Variants in ATP10B observed in about 807,000 individuals in gnomAD.
ATP10B encodes phospholipid-transporting ATPase VB.
In ATP10B, 122 loss-of-function variants were observed where a neutral mutation model predicts 141.2. The observed-to-expected ratio is 0.86, with a 90% confidence interval of 0.75 to 1.00. ATP10B has a LOEUF of 1.00. Ranked by LOEUF, ATP10B falls within the 50% of genes least tolerant of loss-of-function variation. The pLI, the probability that ATP10B is intolerant of heterozygous loss-of-function variation, is 0.00. For synonymous variants in ATP10B, 685 were observed against 692.0 expected, an observed-to-expected ratio of 0.99 and a Z score of 0.16; for missense variants, 1,876 against 1,825.3, an observed-to-expected ratio of 1.03 and a Z score of -0.51.
At chr5:160,784,620 G>A (rs1404472133) in intron 2 of ATP10B, among the ~76,000 whole-genome samples, 2 of 152,132 alleles carry the variant, frequency 1.3e-5, no homozygotes, top group African/African-American at 4.8e-5. Context: ...GAAACAGTCT[G>A]CATATGGTAT....
chr5:160,616,929 T>C (rs185355455), intron 16 of ATP10B, among the ~76,000 whole-genome samples: 1 of 152,332 alleles, frequency 6.6e-6, no homozygotes, highest in East Asian at 1.9e-4. Context: ...TTAATCTCCA[T>C]GACAACTGCA....
At chr5:160,892,293 C>T in the ATP10B span, among the ~76,000 whole-genome samples, 4 of 152,312 alleles carry the variant, frequency 2.6e-5, no homozygotes, top group South Asian at 8.3e-4. Flanking sequence ...CCTGCTCCAG[C>T]CATGCTGACT....
chr5:160,796,787 A>G lies in ATP10B; in HGVS notation c.-575-10984T>C, dbSNP rs200279240. 9.9e-5 allele frequency among the ~76,000 whole-genome samples: 15 copies of G among 152,062 alleles called. No homozygotes were observed. The East Asian group carries it at 2.5e-3, about 26-fold the overall frequency. ...TTGAGAGTGGACTCCTCACACAGGT[A>G]CCTCCCACCTGCACTTGGAGGACAA... On this transcript the variant is annotated intron_variant, in intron 1 of 25. Transcript: ENST00000327245.
At chr5:160,915,405 C>T in the ATP10B span, among the ~76,000 whole-genome samples, 1 of 150,060 alleles carries the variant, frequency 6.7e-6, no homozygotes, top group Non-Finnish European at 1.5e-5. Flanking sequence ...GATCTCGGCT[C>T]ACTGCAACCT....
chr5:160,896,987 C>T, the ATP10B span, among the ~76,000 whole-genome samples: 1 of 152,136 alleles, frequency 6.6e-6, no homozygotes, highest in Non-Finnish European at 1.5e-5. Flanking sequence ...TGATAAAATT[C>T]AATACCCTTT....
At chr5:160,732,673 C>T (rs1209105462) in intron 2 of ATP10B, among the ~76,000 whole-genome samples, 2 of 152,028 alleles carry the variant, frequency 1.3e-5, no homozygotes, top group Non-Finnish European at 2.9e-5. Flanking sequence ...GTTTTTATAC[C>T]AATACCTGCT....
chr5:160,755,827 AAAAAAAAAAAAAT>A (rs1768513254), intron 2 of ATP10B, among the ~76,000 whole-genome samples: 1 of 63,698 alleles, frequency 1.6e-5, no homozygotes, highest in African/African-American at 8.4e-5. Context: ...AAAAAAAAAA[AAAAAAAAAAAAAT>A]ATATATATAT....
rs74616815 is a variant in ATP10B, at chr5:160,664,537, G to A, written c.675+5926C>T. ...AACAGATACATATGATTATTACGTT[G>A]ATTATTGATGCTCTAGGCCAGTGTC... On this transcript the variant is annotated intron_variant, in intron 7 of 25. Coordinates refer to ENST00000327245, the MANE Select transcript of ATP10B (RefSeq NM_025153.3). Among the ~76,000 whole-genome samples the A allele has an allele frequency of 9.5e-3, 1,451 of 152,296 alleles. 22 individuals are homozygous for A. Among genetic ancestry groups the A allele is most frequent in the African/African-American group, 0.032 (1,330 of 41,560 alleles).
chr5:160,608,850 G>C (rs1757552435), intron 18 of ATP10B, among the ~76,000 whole-genome samples: 2 of 152,126 alleles, frequency 1.3e-5, no homozygotes, highest in Admixed American at 6.5e-5. Flanking sequence ...CAGATGGGTA[G>C]ATTGCAAAAA....
intron 11 of ATP10B, among the ~76,000 whole-genome samples, chr5:160,635,603 A>G (rs893290969): frequency 2.6e-5 from 4 of 152,250 alleles, no homozygotes; most frequent in African/African-American, 9.6e-5. Context: ...GGAGCTCCAC[A>G]AAAGGAAAAC....
chr5:160,793,057 T>C (rs1771696265), intron 1 of ATP10B, among the ~76,000 whole-genome samples: 1 of 152,200 alleles, frequency 6.6e-6, no homozygotes, highest in Non-Finnish European at 1.5e-5. Flanking sequence ...AAAATATTTT[T>C]AATCGGGAGT....
chr5:160,655,745 A>G (rs1761449674), intron 7 of ATP10B, among the ~76,000 whole-genome samples: 1 of 152,216 alleles, frequency 6.6e-6, no homozygotes, highest in Non-Finnish European at 1.5e-5. Flanking sequence ...GGGCCAGTCT[A>G]GTCTTCCGTT....
intron 1 of ATP10B, among the ~76,000 whole-genome samples, chr5:160,831,614 T>G (rs1307283540): frequency 1.3e-5 from 2 of 152,060 alleles, no homozygotes; most frequent in Non-Finnish European, 2.9e-5. Context: ...TATTTCTAGT[T>G]TGTAAACAAT....
intron 21 of ATP10B, among the ~76,000 whole-genome samples, chr5:160,599,976 G>T (rs1227009965): frequency 6.6e-6 from 1 of 152,136 alleles, no homozygotes; most frequent in East Asian, 1.9e-4. Flanking sequence ...CTGGGTCAAT[G>T]TTATTTTGGA....
intron 2 of ATP10B, among the ~76,000 whole-genome samples, chr5:160,775,676 A>ATTTTTTT (rs10642787): frequency 9.4e-5 from 11 of 116,812 alleles, no homozygotes; most frequent in East Asian, 2.6e-4. Flanking sequence ...CAAGTTTCAG[A>ATTTTTTT]TTTTTTTTTT....
intron 1 of ATP10B, among the ~76,000 whole-genome samples, chr5:160,792,228 C>T (rs910986420): frequency 6.6e-6 from 1 of 152,154 alleles, no homozygotes; most frequent in Admixed American, 6.6e-5. Flanking sequence ...GAATGCAGGC[C>T]ATCCTTTTAT....
At chr5:160,645,508 G>C (rs1157607173) in intron 8 of ATP10B, among the ~76,000 whole-genome samples, 1 of 152,136 alleles carries the variant, frequency 6.6e-6, no homozygotes, top group African/African-American at 2.4e-5. Flanking sequence ...CACAGGAGTG[G>C]CCCTTTGCCC....
intron 13 of ATP10B, among the ~76,000 whole-genome samples, chr5:160,626,603 C>A (rs1467062466): frequency 6.6e-6 from 1 of 152,208 alleles, no homozygotes; most frequent in Non-Finnish European, 1.5e-5. Context: ...CAACATTTCT[C>A]AAACTTTAAC....
intron 2 of ATP10B, among the ~76,000 whole-genome samples, chr5:160,782,715 TAA>T (rs1770806309): frequency 6.6e-6 from 1 of 152,086 alleles, no homozygotes; most frequent in African/African-American, 2.4e-5. Flanking sequence ...AGGTATAGTT[TAA>T]AAGAGGATTG....
Sources: allele counts gnomAD v4.1 joint callset (sites outside exome capture counted in the v4.1 genomes callset), GRCh38; gene constraint gnomAD v4.1.1; transcripts MANE v1.5; gene names NCBI Gene and HGNC (gene_info 2026-07-23, HGNC 2026-07-21).